GRM5: variants seen among roughly 807,000 people sequenced by gnomAD.
GRM5 encodes metabotropic glutamate receptor 5.
In GRM5, 19 loss-of-function variants were observed where a neutral mutation model predicts 83.1. The ratio of observed to expected loss-of-function variants is 0.23; its 90% CI spans 0.16 to 0.34. GRM5 has a LOEUF of 0.34. Among genes scored for constraint, GRM5 ranks in the 10% least tolerant of loss-of-function variants. The pLI is 1.00. For missense variants in GRM5, 1,160 were observed against 1,588.3 expected, an observed-to-expected ratio of 0.73 and a Z score of 4.58; for synonymous variants, 675 against 633.6, an observed-to-expected ratio of 1.07 and a Z score of -0.98.
intron 2 of GRM5, among the ~76,000 whole-genome samples, chr11:89,024,531 G>A (rs1404439376): frequency 6.6e-6 from 1 of 152,162 alleles, no homozygotes; most frequent in Non-Finnish European, 1.5e-5. Flanking sequence ...AATTGAGGTA[G>A]AGTTTATTAA....
chr11:88,804,804 A>C (rs942447711), intron 3 of GRM5, among the ~76,000 whole-genome samples: 3 of 152,190 alleles, frequency 2.0e-5, no homozygotes, highest in African/African-American at 7.2e-5. Flanking sequence ...GGAATAATAG[A>C]TATTGGAGAT....
chr11:88,662,935 C>A (rs1939944296), intron 3 of GRM5, among the ~76,000 whole-genome samples: 2 of 152,214 alleles, frequency 1.3e-5, no homozygotes, highest in South Asian at 2.1e-4. Context: ...CTGACTACAG[C>A]CTGTCTGACC....
intron 8 of GRM5, among the ~76,000 whole-genome samples, chr11:88,538,258 A>C (rs1442851836): frequency 2.0e-5 from 3 of 152,212 alleles, no homozygotes; most frequent in Non-Finnish European, 4.4e-5. Context: ...TTTTAATCCT[A>C]CTTATGATGA....
intron 2 of GRM5, among the ~76,000 whole-genome samples, chr11:88,977,148 T>C (rs1226608976): frequency 2.7e-5 from 4 of 150,816 alleles, no homozygotes; most frequent in African/African-American, 9.7e-5. Flanking sequence ...ATTTGAGAAA[T>C]TCATCCCAGG....
intron 7 of GRM5, among the ~76,000 whole-genome samples, chr11:88,584,494 C>T (rs1251853292): frequency 2.0e-5 from 3 of 152,072 alleles, no homozygotes; most frequent in African/African-American, 7.2e-5. Context: ...AGTGCAGTGG[C>T]ATGATCTCCA....
intron 3 of GRM5, among the ~76,000 whole-genome samples, chr11:88,815,782 G>A (rs1943665757): frequency 6.6e-6 from 1 of 152,144 alleles, no homozygotes; most frequent in Non-Finnish European, 1.5e-5. Flanking sequence ...TGAGGAATCG[G>A]TTCCCATACC....
At chr11:88,697,492 C>A (rs1940930819) in intron 3 of GRM5, among the ~76,000 whole-genome samples, 1 of 152,182 alleles carries the variant, frequency 6.6e-6, no homozygotes, top group African/African-American at 2.4e-5. Context: ...AGAAGCAATG[C>A]AAGATCATGT....
chr11:88,515,257 C>A (rs1941491206), intron 9 of GRM5, among the ~76,000 whole-genome samples: 1 of 152,118 alleles, frequency 6.6e-6, no homozygotes, highest in Non-Finnish European at 1.5e-5. Flanking sequence ...ATTTCCTTCT[C>A]AAATCAAACT....
chr11:88,668,258 A>C (rs1421805271), intron 3 of GRM5, among the ~76,000 whole-genome samples: 1 of 146,156 alleles, frequency 6.8e-6, no homozygotes, highest in African/African-American at 2.5e-5. Flanking sequence ...TATATCTCTT[A>C]AATCAGTGGA....
At chr11:88,936,287 G>T (rs1590977916) in intron 2 of GRM5, among the ~76,000 whole-genome samples, 2 of 151,940 alleles carry the variant, frequency 1.3e-5, no homozygotes, top group Admixed American at 6.6e-5. Flanking sequence ...TAAAGGCCTA[G>T]AATTGGCAAG....
chr11:88,873,516 T>C (rs978830417), intron 2 of GRM5, among the ~76,000 whole-genome samples: 1 of 151,614 alleles, frequency 6.6e-6, no homozygotes, highest in Non-Finnish European at 1.5e-5. Context: ...AGATAACTTT[T>C]CTAACCAAAA....
chr11:88,841,209 A>C (rs1944193785), intron 3 of GRM5, among the ~76,000 whole-genome samples: 1 of 152,164 alleles, frequency 6.6e-6, no homozygotes, highest in Admixed American at 6.5e-5. Context: ...ACACACATTA[A>C]AAACCTGTTA....
chr11:88,540,150 A>T (rs1185782169), intron 8 of GRM5, among the ~76,000 whole-genome samples: 1 of 152,160 alleles, frequency 6.6e-6, no homozygotes, highest in Non-Finnish European at 1.5e-5. Context: ...CATACACAGA[A>T]GTTCATTCAC....
chr11:88,740,213 C>G (rs1488574412), intron 3 of GRM5, among the ~76,000 whole-genome samples: 2 of 152,048 alleles, frequency 1.3e-5, no homozygotes, highest in African/African-American at 4.8e-5. Context: ...ATTACTGAAA[C>G]TATTATTTTG....
chr11:88,663,829 A>G (rs987201025), intron 3 of GRM5, among the ~76,000 whole-genome samples: 2 of 152,196 alleles, frequency 1.3e-5, no homozygotes, highest in African/African-American at 4.8e-5. Flanking sequence ...GCACGGTGCT[A>G]AGTGCAATAT....
chr11:88,728,895 G>C (rs947724752), intron 3 of GRM5, among the ~76,000 whole-genome samples: 1 of 152,056 alleles, frequency 6.6e-6, no homozygotes, highest in African/African-American at 2.4e-5. Flanking sequence ...AGTTATTTAT[G>C]ACAAACTCAC....
chr11:88,820,851 A>G (rs1358236266), intron 3 of GRM5, among the ~76,000 whole-genome samples: 2 of 152,228 alleles, frequency 1.3e-5, no homozygotes, highest in Non-Finnish European at 2.9e-5. Flanking sequence ...TACAGTGAGC[A>G]CTAAAAAATA....
At chr11:88,864,995 C>T (rs1253350807) in intron 2 of GRM5, among the ~76,000 whole-genome samples, 1 of 151,892 alleles carries the variant, frequency 6.6e-6, no homozygotes, top group African/African-American at 2.4e-5. Flanking sequence ...TTGAACCAGC[C>T]TTACAAGGGA....
chr11:89,043,047 A>T (rs1941567289), intron 2 of GRM5, among the ~76,000 whole-genome samples: 1 of 152,228 alleles, frequency 6.6e-6, no homozygotes, highest in South Asian at 2.1e-4. Flanking sequence ...ACAGGATTTT[A>T]CAATTAATCA....
Sources: gnomAD v4.1 joint callset for allele counts (sites outside exome capture counted in the v4.1 genomes callset) on GRCh38, gnomAD v4.1.1 for gene constraint, MANE v1.5 for transcripts, NCBI Gene and HGNC (gene_info 2026-07-23, HGNC 2026-07-21) for gene names.